WDFY2: variants seen among roughly 807,000 people sequenced by gnomAD.
WDFY2 encodes the protein WD repeat and FYVE domain-containing protein 2.
Under a neutral mutation model 56.4 loss-of-function variants are expected in WDFY2, and 36 were observed. The ratio of observed to expected loss-of-function variants is 0.64; its 90% CI spans 0.49 to 0.84. The LOEUF (loss-of-function observed/expected upper bound fraction) is 0.84, where lower values mean the gene tolerates loss of function less well. Ranked by LOEUF, WDFY2 falls within the 40% of genes least tolerant of loss-of-function variation. The probability of loss-of-function intolerance (pLI) is 0.00; values close to 1 mark genes in which losing one functional copy is unlikely to be tolerated. For synonymous variants in WDFY2, 176 were observed against 183.7 expected (o/e 0.96, Z 0.34); for missense variants, 444 against 512.2 (o/e 0.87, Z 1.29).
At chr13:51,638,083 C>T (rs562443146) in intron 1 of WDFY2, among the ~76,000 whole-genome samples, 22 of 152,272 alleles carry the variant, frequency 1.4e-4, no homozygotes, top group African/African-American at 3.9e-4. Flanking sequence ...ACTAATGGGG[C>T]CAGCGTTGGG....
chr13:51,647,765 TAA>T (rs528621325), intron 1 of WDFY2, among the ~76,000 whole-genome samples: 42 of 102,674 alleles, frequency 4.1e-4, no homozygotes, highest in Admixed American at 4.2e-4. Flanking sequence ...GTCTCTCTCT[TAA>T]AAAAAAAAAA....
chr13:51,650,466 G>A (rs1955353541), intron 1 of WDFY2, among the ~76,000 whole-genome samples: 1 of 152,208 alleles, frequency 6.6e-6, no homozygotes, highest in African/African-American at 2.4e-5. Flanking sequence ...TAGGAGTGGT[G>A]AGAGAGGGCA....
intron 1 of WDFY2, 114 bp downstream of exon 1, chr13:51,584,938 G>C (rs1363779752): frequency 3.5e-6 from 5 of 1,415,836 alleles, no homozygotes; most frequent in Non-Finnish European, 4.7e-6. Context: ...GCTCCCCCAA[G>C]TTTTATTGTA....
intron 4 of WDFY2, among the ~76,000 whole-genome samples, chr13:51,714,387 G>A (rs958217963): frequency 6.6e-6 from 1 of 152,056 alleles, no homozygotes; most frequent in African/African-American, 2.4e-5. Flanking sequence ...TGCCTCTTGG[G>A]TTCAAGTGAT....
At chr13:51,634,284 A>G (rs1955006121) in intron 1 of WDFY2, among the ~76,000 whole-genome samples, 1 of 151,048 alleles carries the variant, frequency 6.6e-6, no homozygotes, top group Non-Finnish European at 1.5e-5. Flanking sequence ...TTTCAGAAGT[A>G]GTGGATGAAA....
At chr13:51,657,599 T>C (rs550695405) in intron 1 of WDFY2, among the ~76,000 whole-genome samples, 1 of 152,322 alleles carries the variant, frequency 6.6e-6, no homozygotes, top group African/African-American at 2.4e-5. Context: ...GTTGGTACAC[T>C]TGATGATGTC....
chr13:51,644,328 C>T (rs1418689070), intron 1 of WDFY2, among the ~76,000 whole-genome samples: 1 of 152,210 alleles, frequency 6.6e-6, no homozygotes, highest in Non-Finnish European at 1.5e-5. Context: ...GAGGGTCTTA[C>T]TACTGACTGC....
chr13:51,638,920 T>C (rs562479497), intron 1 of WDFY2, among the ~76,000 whole-genome samples: 4 of 152,326 alleles, frequency 2.6e-5, no homozygotes, highest in Admixed American at 2.0e-4. Flanking sequence ...GATAAATTCT[T>C]GAAGAAAATT....
intron 1 of WDFY2, among the ~76,000 whole-genome samples, chr13:51,603,209 G>A (rs1020955569): frequency 6.6e-6 from 1 of 152,272 alleles, no homozygotes; most frequent in Non-Finnish European, 1.5e-5. Context: ...TGCTCTTCTT[G>A]TTTAGACACC....
intron 1 of WDFY2, among the ~76,000 whole-genome samples, chr13:51,632,417 A>G (rs9316552): frequency 8.5e-5 from 13 of 152,196 alleles, no homozygotes; most frequent in East Asian, 3.9e-4. Context: ...TGAAATACCT[A>G]TTAGACACAG....
At chr13:51,727,553 C>A in intron 5 of WDFY2, 125 bp from the exon 6 acceptor site, 1 of 815,322 alleles carries the variant, frequency 1.2e-6, no homozygotes, top group Non-Finnish European at 1.9e-6. Flanking sequence ...TTGTGTCTTT[C>A]AGCACTGTCT....
At chr13:51,676,772 G>C (rs1224551084) in intron 3 of WDFY2, among the ~76,000 whole-genome samples, 10 of 152,166 alleles carry the variant, frequency 6.6e-5, no homozygotes, top group Non-Finnish European at 1.2e-4. Flanking sequence ...TGTCTACTTT[G>C]AGGAGAGCCA....
intron 1 of WDFY2, among the ~76,000 whole-genome samples, chr13:51,618,943 A>G (rs1412198080): frequency 1.3e-5 from 2 of 152,204 alleles, no homozygotes; most frequent in Admixed American, 6.5e-5. Flanking sequence ...AGACTGCTGG[A>G]GCTCATCCAC....
intron 3 of WDFY2, among the ~76,000 whole-genome samples, chr13:51,692,079 TAAG>T (rs1956172103): frequency 6.6e-6 from 1 of 152,212 alleles, no homozygotes; most frequent in Non-Finnish European, 1.5e-5. Context: ...CTTATCAGCT[TAAG>T]GAGATTTGGG....
intron 3 of WDFY2, among the ~76,000 whole-genome samples, chr13:51,681,185 T>G (rs7993739): frequency 2.6e-5 from 4 of 152,134 alleles, no homozygotes; most frequent in Non-Finnish European, 5.9e-5. Flanking sequence ...TAGTTCACTC[T>G]GCTGGAGAGA....
chr13:51,736,162 A>G (rs1005619008), intron 6 of WDFY2, among the ~76,000 whole-genome samples: 2 of 152,168 alleles, frequency 1.3e-5, no homozygotes, highest in African/African-American at 4.8e-5. Flanking sequence ...ATCATAGCTG[A>G]CATTTGTTGA....
intron 1 of WDFY2, among the ~76,000 whole-genome samples, chr13:51,609,129 A>G (rs1414723586): frequency 6.6e-6 from 1 of 152,190 alleles, no homozygotes; most frequent in Non-Finnish European, 1.5e-5. Flanking sequence ...AAATTGTGAA[A>G]TATACAGAAA....
At chr13:51,680,389 A>C (rs956742839) in intron 3 of WDFY2, among the ~76,000 whole-genome samples, 1 of 152,172 alleles carries the variant, frequency 6.6e-6, no homozygotes, top group Non-Finnish European at 1.5e-5. Flanking sequence ...GGTGTGAGCC[A>C]CTGTGCCCGG....
Position 51,660,667 on chromosome 13 carries a change from A to G in WDFY2, c.205+4A>G, listed in dbSNP as rs1378332958. 6.2e-7 allele frequency: 1 copy of G among 1,613,444 alleles called. No individual in the cohort carries two copies. Among genetic ancestry groups the G allele is most frequent in the Non-Finnish European group, 8.5e-7 (1 of 1,179,562 alleles). On this transcript the variant is annotated splice_donor_region_variant and intron_variant, in intron 2 of 11. Coordinates refer to ENST00000298125, the MANE Select transcript of WDFY2 (RefSeq NM_052950.4). ...AGCGTATACCATGCAATGCCTTGTAAGTATCCAAATCGCTGTCTTGAAAAA... is the reference window on the plus strand; with the variant it reads ...AGCGTATACCATGCAATGCCTTGTAGGTATCCAAATCGCTGTCTTGAAAAA...
Sources: allele counts gnomAD v4.1 joint callset (sites outside exome capture counted in the v4.1 genomes callset), GRCh38; gene constraint gnomAD v4.1.1; transcripts MANE v1.5; gene names NCBI Gene and HGNC (gene_info 2026-07-23, HGNC 2026-07-21).